The following HDLBP variants were observed in gnomAD, a reference collection of about 807,000 sequenced individuals.
HDLBP encodes high density lipoprotein binding protein, also known as vigilin.
In HDLBP, 30 loss-of-function variants were observed where a neutral mutation model predicts 137.3. That is an observed-to-expected ratio of 0.22 (90% confidence interval 0.16 to 0.30). The LOEUF is 0.30. Ranked by LOEUF, HDLBP falls within the 10% of genes least tolerant of loss-of-function variation. The pLI is 1.00. For missense variants in HDLBP, 1,119 were observed against 1,667.3 expected, an observed-to-expected ratio of 0.67 and a Z score of 5.73; for synonymous variants, 606 against 596.0, an observed-to-expected ratio of 1.02 and a Z score of -0.24.
chr2:241,299,457 T>G (rs1379518307), intron 1 of HDLBP, among the ~76,000 whole-genome samples: 3 of 136,514 alleles, frequency 2.2e-5, no homozygotes, highest in African/African-American at 8.5e-5. Flanking sequence ...GAGGCAGAGG[T>G]TGCAGTGAGC....
At chr2:241,267,673 C>T in intron 2 of HDLBP, 1 of 1,535,638 alleles carries the variant, frequency 6.5e-7, no homozygotes, top group Non-Finnish European at 8.7e-7. Flanking sequence ...AAACCACCTC[C>T]AAATCTCGAC....
intron 1 of HDLBP, among the ~76,000 whole-genome samples, chr2:241,277,861 C>G (rs1319479959): frequency 6.6e-6 from 1 of 151,672 alleles, no homozygotes; most frequent in Non-Finnish European, 1.5e-5. Context: ...CTCAGGAGGC[C>G]GAGGCAGGAG....
At chr2:241,231,217 T>C (rs2069701314) in intron 24 of HDLBP, 1 of 345,496 alleles carries the variant, frequency 2.9e-6, no homozygotes, top group African/African-American at 2.1e-5. Context: ...AAACCCCGCC[T>C]CTACTAAAAA....
chr2:241,287,945 G>A (rs1481747816), intron 1 of HDLBP, among the ~76,000 whole-genome samples: 2 of 152,174 alleles, frequency 1.3e-5, no homozygotes, highest in Non-Finnish European at 1.5e-5. Flanking sequence ...AGACGGGAGG[G>A]AAGACCATGA....
chr2:241,236,378 T>C lies in HDLBP; in HGVS notation c.2904+237A>G. 9.0e-6 allele frequency: 5 copies of C among 552,780 alleles called. No individual in the cohort carries two copies. In the South Asian group the frequency reaches 1.1e-4, roughly 12 times the overall value. 34.2% of individuals were successfully genotyped at this position (552,780 alleles called of 1,614,324 possible). ...CGTGGGCCTGAGAGGCCGGATCCCA[T>C]GCAGCTGTCCCAGAAAGGGGCTATA... On this transcript the variant is annotated intron_variant, in intron 21 of 27. Transcript: ENST00000310931.
intron 1 of HDLBP, among the ~76,000 whole-genome samples, chr2:241,298,693 T>A (rs991594515): frequency 3.9e-5 from 6 of 152,258 alleles, no homozygotes; most frequent in African/African-American, 1.4e-4. Flanking sequence ...AAAGTGCACA[T>A]CACCACTAAG....
At chr2:241,293,763 T>C (rs777238214) in intron 1 of HDLBP, among the ~76,000 whole-genome samples, 2 of 144,926 alleles carry the variant, frequency 1.4e-5, no homozygotes, top group Non-Finnish European at 3.0e-5. Flanking sequence ...CTACCAAAAA[T>C]ACAAAAAATT....
At chr2:241,267,778 G>T in intron 2 of HDLBP, 1 of 1,503,752 alleles carries the variant, frequency 6.7e-7, no homozygotes, top group Non-Finnish European at 8.9e-7. Context: ...TGCGCTAAAT[G>T]CCCTTGATCC....
At chr2:241,236,879 G>T (rs1342948711) in intron 20 of HDLBP, 110 bp from the exon 21 acceptor site, 1 of 1,179,596 alleles carries the variant, frequency 8.5e-7, no homozygotes, top group Non-Finnish European at 1.2e-6. Flanking sequence ...GTGGTAAAAG[G>T]GAGGGAAAAC....
Position 241,238,665 on chromosome 2 carries a change from G to T in HDLBP, c.2733C>A (p.Asp911Glu). ...GGGACCCACCTGCGTTCTCCTCTCTGTCTGGGAATTTAATTTGAACACTGA... is the reference window on the plus strand; with the variant it reads ...GGGACCCACCTGCGTTCTCCTCTCTTTCTGGGAATTTAATTTGAACACTGA... ...RDFSVQIKFP[D>E]REENAVHSTE... The change falls in exon 20 of 28, where the codon GAC becomes GAA. Residue 911 changes from aspartate (D) to glutamate (E), a missense_variant. Transcript: ENST00000310931. This position sits in a 1 kb window ranked among gnomAD's most constrained non-coding sequence, Gnocchi z 4.9. The T allele has an allele frequency of 6.3e-7, 1 of 1,579,412 alleles. No individual in the cohort carries two copies. The highest frequency in any genetic ancestry group is 8.6e-7 in the Non-Finnish European group (1 of 1,156,132).
intron 1 of HDLBP, among the ~76,000 whole-genome samples, chr2:241,293,703 T>G (rs1032330556): frequency 5.3e-5 from 8 of 152,054 alleles, no homozygotes; most frequent in Non-Finnish European, 8.8e-5. Context: ...GCAGATCGCT[T>G]GAGTCCAGGA....
chr2:241,242,751 A>G (rs1368843745), intron 16 of HDLBP, 73 bp from the exon 17 acceptor site: 4 of 1,271,396 alleles, frequency 3.1e-6, no homozygotes, highest in South Asian at 1.3e-5. Flanking sequence ...AAGATAAACT[A>G]TCATCTTTGG....
At chr2:241,305,961 C>A (rs1010492850) in intron 1 of HDLBP, among the ~76,000 whole-genome samples, 4 of 151,870 alleles carry the variant, frequency 2.6e-5, no homozygotes, top group Admixed American at 2.0e-4. Flanking sequence ...GGGGTCTCAC[C>A]GTGTTAGCCA....
At chr2:241,286,354 C>T (rs1362653110) in intron 1 of HDLBP, among the ~76,000 whole-genome samples, 4 of 152,208 alleles carry the variant, frequency 2.6e-5, no homozygotes, top group South Asian at 2.1e-4. Context: ...TTAGGGCCAA[C>T]GTGCTTCCCA....
chr2:241,311,071 G>A (rs1315756979), intron 1 of HDLBP, among the ~76,000 whole-genome samples: 2 of 151,850 alleles, frequency 1.3e-5, no homozygotes, highest in Non-Finnish European at 2.9e-5. Flanking sequence ...CTATGACAGC[G>A]CCACCGCACT....
rs1312418276 is a variant in HDLBP at position 241,227,442 on chromosome 2, C to T, written c.*2159G>A. 6.6e-6 allele frequency: 1 copy of T among 152,514 alleles called. No individual in the cohort carries two copies. Among genetic ancestry groups the T allele is most frequent in the Non-Finnish European group, 1.5e-5 (1 of 68,062 alleles). The allele number at this position is 152,514 out of a possible 1,614,324, so 9.4% of individuals were successfully genotyped here. A position where few individuals can be genotyped will look rare whatever the true frequency, so the allele number is the denominator to read the frequency against. The stretch of plus-strand genomic sequence containing the variant: ...GGAAACAGATGATATGGAAGACATC[C>T]AACAAGGAGGAAAAGCACACGCACG... On this transcript the variant is annotated 3_prime_UTR_variant, in exon 28 of 28. Coordinates refer to ENST00000310931, the MANE Select transcript of HDLBP (RefSeq NM_005336.6).
chr2:241,266,920 G>T lies in HDLBP; in HGVS notation c.-37-14C>A, dbSNP rs537911482. On this transcript the variant is annotated splice_polypyrimidine_tract_variant and intron_variant, in intron 2 of 27. Transcript: ENST00000310931. Reference sequence around the variant, plus strand: ...CCGGGAAAACCACTAAAGCAAAGAAGAATAAATCAGAAGTCAAAGTACAAC... The same window carrying T: ...CCGGGAAAACCACTAAAGCAAAGAATAATAAATCAGAAGTCAAAGTACAAC... The T allele has an allele frequency of 2.6e-6, 4 of 1,567,138 alleles. No homozygotes were observed. The highest frequency in any genetic ancestry group is 1.1e-5 in the South Asian group (1 of 90,094).
At chr2:241,268,237 T>G (rs186322316) in intron 2 of HDLBP, among the ~76,000 whole-genome samples, 3 of 152,140 alleles carry the variant, frequency 2.0e-5, no homozygotes, top group Admixed American at 6.5e-5. Flanking sequence ...TAATTCACAT[T>G]TAAGAAATAA....
At chr2:241,260,197 G>A (rs187058633) in intron 5 of HDLBP, among the ~76,000 whole-genome samples, 37 of 152,060 alleles carry the variant, frequency 2.4e-4, no homozygotes, top group African/African-American at 8.7e-4. Flanking sequence ...GTAGAGATGG[G>A]GTTTCGCCAT....
Sources: allele counts gnomAD v4.1 joint callset (sites outside exome capture counted in the v4.1 genomes callset), GRCh38; gene constraint gnomAD v4.1.1; non-coding constraint Gnocchi (gnomAD v3.1); transcripts MANE v1.5; gene names NCBI Gene and HGNC (gene_info 2026-07-23, HGNC 2026-07-21).